The following TLN2 variants were observed in gnomAD, a reference collection of about 807,000 sequenced individuals.
TLN2 encodes talin-2.
TLN2 carries 118 observed loss-of-function variants against 294.7 expected under a neutral mutation model. The ratio of observed to expected loss-of-function variants is 0.40; its 90% CI spans 0.34 to 0.47. The LOEUF (loss-of-function observed/expected upper bound fraction) is 0.47. TLN2 is among the 20% of genes least tolerant of loss of function. The pLI, the probability that TLN2 is intolerant of heterozygous loss-of-function variation, is 0.84. For synonymous variants in TLN2, 1,431 were observed against 1,304.5 expected (o/e 1.10, Z -2.09); for missense variants, 3,083 against 3,282.2 (o/e 0.94, Z 1.48).
At chr15:62,750,804 G>A (rs1176255847) in intron 34 of TLN2, among the ~76,000 whole-genome samples, 6 of 152,158 alleles carry the variant, frequency 3.9e-5, no homozygotes, top group African/African-American at 1.2e-4. Flanking sequence ...ACCATACTTT[G>A]AGAACCATTT....
intron 1 of TLN2, among the ~76,000 whole-genome samples, chr15:62,562,632 G>T (rs1458978167): frequency 6.6e-6 from 1 of 151,556 alleles, no homozygotes. Flanking sequence ...TGAGATTTTG[G>T]TGCACCCATC....
At chr15:62,549,555 G>A (rs905689687) in intron 1 of TLN2, among the ~76,000 whole-genome samples, 1 of 151,532 alleles carries the variant, frequency 6.6e-6, no homozygotes, top group African/African-American at 2.4e-5. Context: ...GAACTCTGCT[G>A]GCCACTAGAG....
intron 54 of TLN2, among the ~76,000 whole-genome samples, chr15:62,821,450 C>CTA (rs2067559882): frequency 6.6e-6 from 1 of 152,180 alleles, no homozygotes; most frequent in Non-Finnish European, 1.5e-5. Flanking sequence ...TGGATTCCAC[C>CTA]AATTTAGGTA....
intron 41 of TLN2, among the ~76,000 whole-genome samples, chr15:62,769,672 C>T (rs1056136174): frequency 5.3e-5 from 8 of 152,166 alleles, no homozygotes; most frequent in Non-Finnish European, 8.8e-5. Flanking sequence ...TCATCCTCCA[C>T]CCTCTCCTGC....
intron 43 of TLN2, among the ~76,000 whole-genome samples, chr15:62,777,496 A>G (rs1466082621): frequency 6.7e-6 from 1 of 149,096 alleles, no homozygotes; most frequent in African/African-American, 2.5e-5. Context: ...AGATCATGCC[A>G]TTGCACTCTA....
intron 1 of TLN2, among the ~76,000 whole-genome samples, chr15:62,573,361 C>G (rs1296783192): frequency 1.3e-5 from 2 of 152,116 alleles, no homozygotes; most frequent in African/African-American, 4.8e-5. Context: ...CCCACTGGCC[C>G]AGCCCTTGGA....
chr15:62,487,381 T>C (rs920860074), intron 1 of TLN2, among the ~76,000 whole-genome samples: 9 of 152,184 alleles, frequency 5.9e-5, no homozygotes, highest in African/African-American at 2.2e-4. Flanking sequence ...GCTCTGGATG[T>C]TTTTAGTTTG....
At chr15:62,444,745 G>GTATTA (rs1429176733) in intron 1 of TLN2, among the ~76,000 whole-genome samples, 1 of 152,218 alleles carries the variant, frequency 6.6e-6, no homozygotes, top group Non-Finnish European at 1.5e-5. Context: ...GGCAACTATT[G>GTATTA]TATTACTGTT....
At chr15:62,786,538 C>T (rs1358095500) in intron 45 of TLN2, among the ~76,000 whole-genome samples, 1 of 152,168 alleles carries the variant, frequency 6.6e-6, no homozygotes, top group African/African-American at 2.4e-5. Context: ...AACTCGAGAT[C>T]CTATGAGCCA....
At chr15:62,528,298 C>A (rs893155106) in intron 1 of TLN2, among the ~76,000 whole-genome samples, 2 of 152,028 alleles carry the variant, frequency 1.3e-5, no homozygotes, top group African/African-American at 4.8e-5. Context: ...GGACACTATC[C>A]CAGAAGTCAC....
intron 1 of TLN2, among the ~76,000 whole-genome samples, chr15:62,422,525 T>G (rs369578176): frequency 7.5e-4 from 114 of 152,308 alleles, no homozygotes; most frequent in African/African-American, 2.5e-3. Flanking sequence ...TATCTGAGCA[T>G]TAGGCCATTT....
chr15:62,715,043 C>T (rs1244654555), intron 22 of TLN2, among the ~76,000 whole-genome samples: 1 of 152,122 alleles, frequency 6.6e-6, no homozygotes, highest in Non-Finnish European at 1.5e-5. Context: ...CAAAAGTAGC[C>T]CAATCCTTTT....
At chr15:62,625,306 C>T (rs1462259582) in intron 3 of TLN2, among the ~76,000 whole-genome samples, 1 of 152,162 alleles carries the variant, frequency 6.6e-6, no homozygotes, top group African/African-American at 2.4e-5. Context: ...TCATCTTGAT[C>T]ACCCCTGGAA....
Position 62,840,570 on chromosome 15 carries a change from A to G in TLN2, c.7589A>G (p.Tyr2530Cys), listed in dbSNP as rs1286513040. The G allele has an allele frequency of 6.2e-6, 10 of 1,614,076 alleles. No individual in the cohort carries two copies. Among genetic ancestry groups the G allele is most frequent in the Non-Finnish European group, 8.5e-6 (10 of 1,180,036 alleles). The change falls in exon 59 of 59, where the codon TAT becomes TGT. Residue 2530 changes from tyrosine to cysteine, a missense_variant. Transcript: ENST00000636159. ...CTGGCCCAAATCCGCCAGCAGCAGT[A>G]TAAGTTTTTACCCACCGAGCTGAGG... ...KKLAQIRQQQ[Y>C]KFLPTELRED...
chr15:62,636,038 G>T (rs538387192), intron 3 of TLN2, among the ~76,000 whole-genome samples: 6 of 152,114 alleles, frequency 3.9e-5, no homozygotes, highest in Non-Finnish European at 7.3e-5. Context: ...AGGATTCAGT[G>T]CCTTAACATA....
intron 36 of TLN2, chr15:62,754,554 G>A (rs2062118161): frequency 6.6e-6 from 1 of 152,334 alleles, no homozygotes; most frequent in South Asian, 2.1e-4. Flanking sequence ...TGTACTGCAA[G>A]GAAGGAGAAG....
At chr15:62,442,697 T>C (rs1404396606) in intron 1 of TLN2, among the ~76,000 whole-genome samples, 1 of 152,090 alleles carries the variant, frequency 6.6e-6, no homozygotes, top group East Asian at 1.9e-4. Flanking sequence ...TATATTTTAA[T>C]ACCCAACCTT....
intron 18 of TLN2, 152 bp from the exon 19 acceptor site, chr15:62,702,614 C>G (rs985642406): frequency 1.4e-6 from 1 of 705,424 alleles, no homozygotes; most frequent in Non-Finnish European, 2.4e-6. Context: ...CGGATTTCAC[C>G]GGGATGTCTT....
intron 1 of TLN2, among the ~76,000 whole-genome samples, chr15:62,426,089 G>A (rs2034689064): frequency 6.6e-6 from 1 of 152,142 alleles, no homozygotes; most frequent in South Asian, 2.1e-4. Context: ...TGGCCCAGCC[G>A]TATCTCACAT....
Sources: gnomAD v4.1 joint callset for allele counts (sites outside exome capture counted in the v4.1 genomes callset) on GRCh38, gnomAD v4.1.1 for gene constraint, MANE v1.5 for transcripts, NCBI Gene and HGNC (gene_info 2026-07-23, HGNC 2026-07-21) for gene names.